The following KDM4C variants were observed in gnomAD, a reference collection of about 807,000 sequenced individuals.
The protein encoded by KDM4C is lysine demethylase 4C.
A neutral mutation model predicts 129.3 loss-of-function variants in KDM4C; 81 were observed. The ratio of observed to expected loss-of-function variants is 0.63; its 90% CI spans 0.52 to 0.75. The LOEUF (loss-of-function observed/expected upper bound fraction) is 0.75. KDM4C is among the 30% of genes least tolerant of loss of function. KDM4C has a pLI of 0.00. For missense variants in KDM4C, 1,457 were observed against 1,304.0 expected, an observed-to-expected ratio of 1.12 and a Z score of -1.81; for synonymous variants, 573 against 456.1, an observed-to-expected ratio of 1.26 and a Z score of -3.26.
chr9:6,861,627 C>G (rs559167987), intron 5 of KDM4C, among the ~76,000 whole-genome samples: 2 of 152,088 alleles, frequency 1.3e-5, no homozygotes, highest in African/African-American at 2.4e-5. Context: ...CTTAATATAG[C>G]CAATTGTCAT....
At chr9:6,794,324 G>A (rs1440934806) in intron 2 of KDM4C, among the ~76,000 whole-genome samples, 1 of 152,212 alleles carries the variant, frequency 6.6e-6, no homozygotes, top group Non-Finnish European at 1.5e-5. Context: ...TTCAAGATAT[G>A]GGGACAGAAA....
chr9:7,136,059 A>G lies in KDM4C; in HGVS notation c.2781+7823A>G, dbSNP rs562238787. Among the ~76,000 whole-genome samples, 4 of 152,342 alleles carry G rather than the reference A, an allele frequency of 2.6e-5. No individual in the cohort carries two copies. The East Asian group carries it at 7.7e-4, about 29-fold the overall frequency. On this transcript the variant is annotated intron_variant, in intron 19 of 21. Transcript: ENST00000381309. ...GCAATTGTGATGGGCCAGAGTGTTTAAAGAAGTCACGTTGAGGAAGAGAGA... is the reference window on the plus strand; with the variant it reads ...GCAATTGTGATGGGCCAGAGTGTTTGAAGAAGTCACGTTGAGGAAGAGAGA...
chr9:6,995,241 TA>T (rs1362011156), intron 12 of KDM4C, among the ~76,000 whole-genome samples: 1 of 152,100 alleles, frequency 6.6e-6, no homozygotes, highest in Non-Finnish European at 1.5e-5. Flanking sequence ...CTAGTGAACT[TA>T]AATTTCCTGA....
At chr9:6,931,246 C>T (rs143279057) in intron 8 of KDM4C, among the ~76,000 whole-genome samples, 292 of 152,092 alleles carry the variant, frequency 1.9e-3, no homozygotes, top group African/African-American at 6.7e-3. Context: ...CATCGCCTGA[C>T]TTATCAGCTA....
At chr9:7,094,665 G>T (rs1836207479) in intron 17 of KDM4C, among the ~76,000 whole-genome samples, 1 of 152,242 alleles carries the variant, frequency 6.6e-6, no homozygotes, top group East Asian at 1.9e-4. Flanking sequence ...CACAGCTGCA[G>T]TTGTCTCCCC....
In KDM4C at chr9:7,095,474, T is replaced by C. The variant is rs530754325; in HGVS notation, c.2425-8211T>C. Among the ~76,000 whole-genome samples the C allele has an allele frequency of 2.0e-5, 3 of 152,230 alleles. No homozygotes were observed. In the East Asian group the frequency reaches 5.8e-4, roughly 29 times the overall value. ...TGTGTACTAGTCCTTGCTTCCATAA[T>C]GCCAATAGCAAATCATACCTGATAT... On this transcript the variant is annotated intron_variant, in intron 17 of 21. Coordinates refer to ENST00000381309, the MANE Select transcript of KDM4C (RefSeq NM_015061.6).
At chr9:7,123,391 A>G (rs1839710329) in intron 18 of KDM4C, among the ~76,000 whole-genome samples, 1 of 152,188 alleles carries the variant, frequency 6.6e-6, no homozygotes, top group African/African-American at 2.4e-5. Context: ...AGAGAAACCA[A>G]AGAAACAGAA....
intron 1 of KDM4C, among the ~76,000 whole-genome samples, chr9:6,766,346 A>C (rs1820619590): frequency 6.6e-6 from 1 of 152,142 alleles, no homozygotes; most frequent in African/African-American, 2.4e-5. Context: ...TGCTCAACTT[A>C]TGTATGATAA....
intron 17 of KDM4C, among the ~76,000 whole-genome samples, chr9:7,060,735 C>G (rs1362023561): frequency 6.6e-6 from 1 of 152,084 alleles, no homozygotes; most frequent in Non-Finnish European, 1.5e-5. Context: ...CTGCCTCGGC[C>G]TCCCAAAGTG....
At chr9:7,123,527 A>G (rs1839723700) in intron 18 of KDM4C, among the ~76,000 whole-genome samples, 1 of 152,168 alleles carries the variant, frequency 6.6e-6, no homozygotes, top group Non-Finnish European at 1.5e-5. Flanking sequence ...CTATTCACTT[A>G]CCCACTCATT....
chr9:6,979,606 C>T (rs1312653688), intron 8 of KDM4C, among the ~76,000 whole-genome samples: 2 of 152,140 alleles, frequency 1.3e-5, no homozygotes, highest in East Asian at 1.9e-4. Flanking sequence ...AGGGTGATTA[C>T]ACCTTATTGA....
intron 18 of KDM4C, among the ~76,000 whole-genome samples, chr9:7,120,669 A>G (rs1839394225): frequency 1.3e-5 from 2 of 152,196 alleles, no homozygotes; most frequent in South Asian, 4.1e-4. Flanking sequence ...TTTTTCTTAT[A>G]TCACATTTGC....
chr9:6,948,964 C>T (rs543929115), intron 8 of KDM4C, among the ~76,000 whole-genome samples: 14 of 150,708 alleles, frequency 9.3e-5, no homozygotes, highest in East Asian at 3.9e-4. Flanking sequence ...AAACCGCCAT[C>T]GTCATCATGG....
chr9:6,962,475 C>A (rs768127396), intron 8 of KDM4C, among the ~76,000 whole-genome samples: 1 of 152,110 alleles, frequency 6.6e-6, no homozygotes, highest in Non-Finnish European at 1.5e-5. Context: ...GAAGTCAACA[C>A]TTTATGGTTT....
At chr9:6,952,482 C>T (rs1828343795) in intron 8 of KDM4C, among the ~76,000 whole-genome samples, 1 of 150,808 alleles carries the variant, frequency 6.6e-6, no homozygotes, top group African/African-American at 2.4e-5. Flanking sequence ...ACTTTGTTGC[C>T]CAGGCTGGAG....
intron 8 of KDM4C, among the ~76,000 whole-genome samples, chr9:6,969,860 T>C (rs1179316508): frequency 1.3e-5 from 2 of 152,192 alleles, no homozygotes; most frequent in Non-Finnish European, 2.9e-5. Flanking sequence ...GACTACCTAC[T>C]TGACATTTCT....
chr9:7,130,789 C>T (rs191785862), intron 19 of KDM4C, among the ~76,000 whole-genome samples: 2 of 152,134 alleles, frequency 1.3e-5, no homozygotes, highest in East Asian at 3.9e-4. Context: ...GACAGGGCCT[C>T]ATTTTGTCGC....
intron 15 of KDM4C, among the ~76,000 whole-genome samples, chr9:7,026,074 C>T (rs936944569): frequency 1.3e-5 from 2 of 152,018 alleles, no homozygotes; most frequent in Admixed American, 1.3e-4. Flanking sequence ...GGTGTTGTGG[C>T]GAGCACCTGT....
At chr9:7,052,146 G>A (rs1830234940) in intron 17 of KDM4C, among the ~76,000 whole-genome samples, 1 of 152,116 alleles carries the variant, frequency 6.6e-6, no homozygotes, top group Non-Finnish European at 1.5e-5. Flanking sequence ...AAACAAACCT[G>A]GATTTTTTTC....
Sources: gnomAD v4.1 joint callset for allele counts (sites outside exome capture counted in the v4.1 genomes callset) on GRCh38, gnomAD v4.1.1 for gene constraint, MANE v1.5 for transcripts, NCBI Gene and HGNC (gene_info 2026-07-23, HGNC 2026-07-21) for gene names.